DLG2: variants seen among roughly 807,000 people sequenced by gnomAD.
DLG2 encodes the protein discs large MAGUK scaffold protein 2.
Under a neutral mutation model 132.5 loss-of-function variants are expected in DLG2, and 45 were observed. The ratio of observed to expected loss-of-function variants is 0.34; its 90% confidence interval spans 0.27 to 0.44. The LOEUF is 0.44. DLG2 is among the 20% of genes least tolerant of loss of function. DLG2 has a pLI of 1.00. For missense variants in DLG2, 1,045 were observed against 1,196.9 expected, an observed-to-expected ratio of 0.87 and a Z score of 1.87; for synonymous variants, 424 against 419.6, an observed-to-expected ratio of 1.01 and a Z score of -0.13.
intron 15 of DLG2, among the ~76,000 whole-genome samples, chr11:83,895,788 C>A (rs2071475552): frequency 6.6e-6 from 1 of 152,190 alleles, no homozygotes; most frequent in Non-Finnish European, 1.5e-5. Context: ...CTCATCAAGG[C>A]ATTTCCCACA....
intron 7 of DLG2, among the ~76,000 whole-genome samples, chr11:84,380,483 T>A (rs1567471621): frequency 6.6e-6 from 1 of 151,952 alleles, no homozygotes; most frequent in Non-Finnish European, 1.5e-5. Context: ...TTTTAAATTT[T>A]AAAAGTCCAT....
chr11:84,091,662 C>A (rs914373097), intron 10 of DLG2, among the ~76,000 whole-genome samples: 7 of 152,182 alleles, frequency 4.6e-5, no homozygotes, highest in African/African-American at 7.2e-5. Flanking sequence ...CAATTTACCA[C>A]AAATTAATCA....
intron 7 of DLG2, among the ~76,000 whole-genome samples, chr11:84,489,413 A>G (rs1182510557): frequency 1.3e-5 from 2 of 152,140 alleles, no homozygotes; most frequent in African/African-American, 4.8e-5. Context: ...TTTCTGAAAT[A>G]TATCCCACTA....
intron 6 of DLG2, among the ~76,000 whole-genome samples, chr11:84,683,796 T>C (rs925504256): frequency 1.3e-5 from 2 of 152,182 alleles, no homozygotes; most frequent in Non-Finnish European, 2.9e-5. Flanking sequence ...AGTTCCACAA[T>C]GTCCTATTGC....
At chr11:84,227,029 T>A (rs1263995642) in intron 8 of DLG2, among the ~76,000 whole-genome samples, 1 of 151,914 alleles carries the variant, frequency 6.6e-6, no homozygotes, top group African/African-American at 2.4e-5. Flanking sequence ...GAGATTGCAG[T>A]GAGCCGAGAT....
chr11:84,893,093 C>T (rs936508918), intron 6 of DLG2, among the ~76,000 whole-genome samples: 5 of 152,086 alleles, frequency 3.3e-5, no homozygotes, highest in Admixed American at 6.6e-5. Flanking sequence ...AAATTTTAAG[C>T]GCTTAGCATA....
At chr11:84,341,762 T>G (rs927902477) in intron 7 of DLG2, among the ~76,000 whole-genome samples, 2 of 152,234 alleles carry the variant, frequency 1.3e-5, no homozygotes, top group Admixed American at 1.3e-4. Context: ...GGTAGTGAAG[T>G]ATCAATCAGG....
chr11:84,273,243 T>C (rs767742040), intron 7 of DLG2: 3 of 1,551,298 alleles, frequency 1.9e-6, no homozygotes, highest in Admixed American at 4.0e-5. Flanking sequence ...CGAGAAACAC[T>C]TGGCCGTTGC....
At chr11:83,820,775 T>C (rs2050563089) in intron 17 of DLG2, among the ~76,000 whole-genome samples, 1 of 152,170 alleles carries the variant, frequency 6.6e-6, no homozygotes, top group South Asian at 2.1e-4. Context: ...GGAACAGCTT[T>C]TTCCAGTGAA....
chr11:84,903,046 T>C (rs2091086479), intron 6 of DLG2, among the ~76,000 whole-genome samples: 1 of 116,650 alleles, frequency 8.6e-6, no homozygotes, highest in South Asian at 3.5e-4. Context: ...CATCATTTCC[T>C]CTCTGATTCC....
intron 7 of DLG2, among the ~76,000 whole-genome samples, chr11:84,369,316 C>T (rs1412723048): frequency 6.6e-6 from 1 of 152,248 alleles, no homozygotes; most frequent in Middle Eastern, 3.4e-3. Flanking sequence ...CTGTGCTACT[C>T]TGTCTCTTCA....
intron 5 of DLG2, among the ~76,000 whole-genome samples, chr11:85,112,917 T>G (rs2073006968): frequency 6.6e-6 from 1 of 152,044 alleles, no homozygotes; most frequent in African/African-American, 2.4e-5. Flanking sequence ...TCCTAACATT[T>G]CTGATTTAAC....
chr11:84,814,481 T>C lies in DLG2; in HGVS notation c.358-279750A>G, dbSNP rs571813649. Among the ~76,000 whole-genome samples the C allele has an allele frequency of 7.9e-5, 12 of 152,156 alleles. No homozygotes were observed. The East Asian group carries it at 2.3e-3, about 30-fold the overall frequency. ...AAGCCCATAGGGCATGGCTCCCCACTGCCTTTCTAACATGAGAGTCTAGGC... is the reference window on the plus strand; with the variant it reads ...AAGCCCATAGGGCATGGCTCCCCACCGCCTTTCTAACATGAGAGTCTAGGC... On this transcript the variant is annotated intron_variant, in intron 6 of 27. Coordinates refer to ENST00000376104, the MANE Select transcript of DLG2 (RefSeq NM_001142699.3).
chr11:84,688,041 G>A (rs1051721221), intron 6 of DLG2, among the ~76,000 whole-genome samples: 3 of 152,184 alleles, frequency 2.0e-5, no homozygotes, highest in African/African-American at 7.2e-5. Flanking sequence ...ATATGTGATA[G>A]CAGAGGAAGA....
At chr11:84,363,323 T>C (rs1012785395) in intron 7 of DLG2, among the ~76,000 whole-genome samples, 11 of 151,586 alleles carry the variant, frequency 7.3e-5, no homozygotes, top group Non-Finnish European at 1.3e-4. Context: ...GAGAAGTGTC[T>C]GTTCATGTCC....
At chr11:84,025,772 C>T (rs1211683292) in intron 11 of DLG2, among the ~76,000 whole-genome samples, 1 of 151,956 alleles carries the variant, frequency 6.6e-6, no homozygotes, top group Non-Finnish European at 1.5e-5. Context: ...TACCATATAC[C>T]ATAACGTGGA....
At chr11:84,952,415 G>A (rs2051063550) in intron 6 of DLG2, among the ~76,000 whole-genome samples, 1 of 152,124 alleles carries the variant, frequency 6.6e-6, no homozygotes, top group African/African-American at 2.4e-5. Flanking sequence ...TACTCGGGAG[G>A]CTGAGGCAGG....
Position 84,534,592 on chromosome 11 carries a change from T to G in DLG2, c.497A>C (p.Gln166Pro), listed in dbSNP as rs540147074. ...QIENVHGYVL[Q>P]SHISPLKASP... Reference sequence around the variant, plus strand: ...GACCTTCAGAGGAGAAATATGAGACTGCAAGACATATCCATGGACATTTTC... The same window carrying G: ...GACCTTCAGAGGAGAAATATGAGACGGCAAGACATATCCATGGACATTTTC... The change falls in exon 7 of 28, where the codon CAG becomes CCG. Residue 166 changes from glutamine to proline, a missense_variant. Physicochemically the swap from Gln to Pro is moderately conservative, Grantham distance 76. Coordinates refer to ENST00000376104, the MANE Select transcript of DLG2 (RefSeq NM_001142699.3). The G allele has an allele frequency of 6.2e-7, 1 of 1,613,916 alleles. No individual in the cohort carries two copies. The highest frequency in any genetic ancestry group is 1.1e-5 in the South Asian group (1 of 91,070).
At chr11:84,328,050 A>T (rs1300210499) in intron 7 of DLG2, among the ~76,000 whole-genome samples, 1 of 152,130 alleles carries the variant, frequency 6.6e-6, no homozygotes, top group Non-Finnish European at 1.5e-5. Context: ...CCCGTTCTAG[A>T]TCCTCTACTG....
Sources: gnomAD v4.1 joint callset for allele counts (sites outside exome capture counted in the v4.1 genomes callset) on GRCh38, gnomAD v4.1.1 for gene constraint, MANE v1.5 for transcripts, NCBI Gene and HGNC (gene_info 2026-07-23, HGNC 2026-07-21) for gene names.